C9orf152: variants seen among roughly 807,000 people sequenced by gnomAD.
C9orf152 encodes the protein chromosome 9 open reading frame 152, also known as uncharacterized protein C9orf152.
Under a neutral mutation model 8.5 loss-of-function variants are expected in C9orf152, and 8 were observed. That is an observed-to-expected ratio of 0.94 (90% CI 0.55 to 1.70). C9orf152 has a LOEUF of 1.70. Among genes scored for constraint, C9orf152 ranks in the 40% most tolerant of loss-of-function variants. The pLI is 0.00. For missense variants in C9orf152, 293 were observed against 286.2 expected (o/e 1.02, Z -0.17); for synonymous variants, 109 against 113.0 (o/e 0.96, Z 0.22).
At chr9:110,201,549 T>G in intron 1 of C9orf152, 75 bp from the exon 2 acceptor site, 1 of 1,282,142 alleles carries the variant, frequency 7.8e-7, no homozygotes, top group Non-Finnish European at 1.0e-6. Context: ...GTCTCATTGC[T>G]TTCAAGCTGA....
rs981893171 is a variant in C9orf152 at position 110,201,035 on chromosome 9, G to C, written c.633C>G (p.Gly211=). ...PLSIKNPHRS[G]KPAYYPFPQR... is the part of the protein sequence containing the mutation. ...GGGGAAATGGATAGTAAGCTGGTTT[G>C]CCAGACCTGTGTGGGTTCTTTATGG... Residue 211 remains glycine (G), a synonymous_variant, in exon 2 of 2, where the codon GGC becomes GGG. Coordinates refer to ENST00000400613, the MANE Select transcript of C9orf152 (RefSeq NM_001012993.3). 2 of 1,614,102 alleles carry C rather than the reference G, an allele frequency of 1.2e-6. No homozygotes were observed. Among genetic ancestry groups the C allele is most frequent in the African/African-American group, 2.7e-5 (2 of 74,932 alleles).
intron 1 of C9orf152, 37 bp downstream of exon 1, chr9:110,207,350 G>A (rs779406744): frequency 1.9e-6 from 3 of 1,594,374 alleles, no homozygotes; most frequent in Non-Finnish European, 2.6e-6. Context: ...GTCTCCCATG[G>A]TAAGTCTCTC....
chr9:110,202,764 CA>C (rs1251785006), intron 1 of C9orf152, among the ~76,000 whole-genome samples: 1 of 152,080 alleles, frequency 6.6e-6, no homozygotes, highest in African/African-American at 2.4e-5. Context: ...CACCTGTTAT[CA>C]CAGGAGGCCC....
rs750200274 is a variant in C9orf152 at position 110,201,508 on chromosome 9, G to A, written c.194-34C>T. 7 of 1,494,220 alleles carry A rather than the reference G, an allele frequency of 4.7e-6. No individual in the cohort carries two copies. The Admixed American group carries it at 1.6e-4, about 35-fold the overall frequency. The allele number at this position is 1,494,220 out of a possible 1,614,324, so 92.6% of individuals were successfully genotyped here. The stretch of plus-strand genomic sequence containing the variant: ...AGAATGCACCAGCAGGGTCATCACT[G>A]GAAGGGACAGGGGCGGCTCTCACTT... On this transcript the variant is annotated intron_variant, in intron 1 of 1. Coordinates refer to ENST00000400613, the MANE Select transcript of C9orf152 (RefSeq NM_001012993.3).
chr9:110,207,755 G>A lies in C9orf152; in HGVS notation c.-176C>T, dbSNP rs2118508287. The stretch of plus-strand genomic sequence containing the variant: ...GGGGAAGGAGAAAGATGAAGGGGAA[G>A]AGGAGGTAGGGATAGGGAGAAATGT... On this transcript the variant is annotated 5_prime_UTR_variant, in exon 1 of 2. Transcript: ENST00000400613. The A allele has an allele frequency of 1.9e-6, 1 of 533,862 alleles. No homozygotes were observed. Among genetic ancestry groups the A allele is most frequent in the East Asian group, 3.4e-5 (1 of 29,272 alleles). 33.1% of individuals were successfully genotyped at this position (533,862 alleles called of 1,614,324 possible).
intron 1 of C9orf152, among the ~76,000 whole-genome samples, chr9:110,204,325 A>G (rs922642602): frequency 1.3e-5 from 2 of 152,214 alleles, no homozygotes; most frequent in Non-Finnish European, 2.9e-5. Context: ...GCATTTCCAG[A>G]AGCTGGATCC....
chr9:110,205,469 C>T (rs185367173), intron 1 of C9orf152, among the ~76,000 whole-genome samples: 2 of 152,238 alleles, frequency 1.3e-5, no homozygotes, highest in East Asian at 3.9e-4. Flanking sequence ...TTCAAGTGGC[C>T]TTCCTACTTA....
At position 110,207,748 on chromosome 9, in the gene C9orf152, A is replaced by T. The variant is rs1479682611; in HGVS notation, c.-169T>A. 4 of 529,028 alleles carry T rather than the reference A, an allele frequency of 7.6e-6. No homozygotes were observed. The highest frequency in any genetic ancestry group is 4.1e-5 in the African/African-American group (2 of 49,370). 32.8% of individuals were successfully genotyped at this position (529,028 alleles called of 1,614,324 possible). On this transcript the variant is annotated 5_prime_UTR_variant, in exon 1 of 2. Coordinates refer to ENST00000400613, the MANE Select transcript of C9orf152 (RefSeq NM_001012993.3). ...AAATAAGGGGGAAGGAGAAAGATGA[A>T]GGGGAAGAGGAGGTAGGGATAGGGA...
At position 110,199,933 on chromosome 9, in the gene C9orf152, T is replaced by C. The variant is rs1837191496; in HGVS notation, c.*1015A>G. The C allele has an allele frequency of 6.6e-6, 1 of 152,190 alleles. No individual in the cohort carries two copies. Among genetic ancestry groups the C allele is most frequent in the Non-Finnish European group, 1.5e-5 (1 of 68,036 alleles). 9.4% of individuals were successfully genotyped at this position (152,190 alleles called of 1,614,324 possible). Reference sequence around the variant, plus strand: ...CTTCGCTTTGTCTTAGGTTTAAAAATATATTTGATCCCAGGAAGGATCTGA... The same window carrying C: ...CTTCGCTTTGTCTTAGGTTTAAAAACATATTTGATCCCAGGAAGGATCTGA... On this transcript the variant is annotated 3_prime_UTR_variant, in exon 2 of 2. Transcript: ENST00000400613.
rs778391375 is a variant in C9orf152, at chr9:110,199,579, CT to C, written c.*1368del. The C allele has an allele frequency of 1.3e-5, 2 of 152,074 alleles. No homozygotes were observed. The highest frequency in any genetic ancestry group is 6.5e-5 in the Admixed American group (1 of 15,268). 9.4% of individuals were successfully genotyped at this position (152,074 alleles called of 1,614,324 possible). On this transcript the variant is annotated 3_prime_UTR_variant, in exon 2 of 2. Coordinates refer to ENST00000400613, the MANE Select transcript of C9orf152 (RefSeq NM_001012993.3). ...GGACAAATTTTTTTGAGAAAATTTC[CT>C]TTTTTATTAGAATATTTAAAAAACA...
At chr9:110,202,378 C>T (rs114742358) in intron 1 of C9orf152, among the ~76,000 whole-genome samples, 3,649 of 152,284 alleles carry the variant, frequency 0.024, 141 homozygotes, top group African/African-American at 0.081. Flanking sequence ...CCACTGCGCT[C>T]GGCTGTGTCC....
At position 110,201,028 on chromosome 9, in the gene C9orf152, C is replaced by A; in HGVS notation, c.640G>T (p.Ala214Ser). ...IKNPHRSGKPAYYPFPQRKTP... is the reference protein window; with the variant it reads ...IKNPHRSGKPSYYPFPQRKTP... ...TTCCTCTGGGGAAATGGATAGTAAG[C>A]TGGTTTGCCAGACCTGTGTGGGTTC... The change falls in exon 2 of 2, where the codon GCT becomes TCT. Residue 214 changes from alanine to serine, a missense_variant. Transcript: ENST00000400613. The A allele has an allele frequency of 6.2e-7, 1 of 1,614,222 alleles. No individual in the cohort carries two copies. The highest frequency in any genetic ancestry group is 8.5e-7 in the Non-Finnish European group (1 of 1,180,046).
chr9:110,200,436 C>A lies in C9orf152; in HGVS notation c.*512G>T, dbSNP rs1386054316. ...TGATCACTGCCAATGAGTGTTGTGA[C>A]TTCTAAGTGAGATGGCCCCCCAGAC... On this transcript the variant is annotated 3_prime_UTR_variant, in exon 2 of 2. Transcript: ENST00000400613. The A allele has an allele frequency of 6.5e-6, 1 of 153,536 alleles. No homozygotes were observed. The highest frequency in any genetic ancestry group is 2.4e-5 in the African/African-American group (1 of 41,446). The allele number at this position is 153,536 out of a possible 1,614,324, so 9.5% of individuals were successfully genotyped here.
At chr9:110,206,651 C>A (rs749728351) in intron 1 of C9orf152, among the ~76,000 whole-genome samples, 2 of 152,236 alleles carry the variant, frequency 1.3e-5, no homozygotes, top group Non-Finnish European at 2.9e-5. Context: ...CCTGCCCAGT[C>A]TGGCCTGGCA....
intron 1 of C9orf152, among the ~76,000 whole-genome samples, chr9:110,202,460 A>G (rs1322104856): frequency 6.6e-6 from 1 of 152,212 alleles, no homozygotes; most frequent in Non-Finnish European, 1.5e-5. Context: ...AGCTCCCTTT[A>G]GAGAACCAAT....
At position 110,206,296 on chromosome 9, in the gene C9orf152, A is replaced by T. The variant is rs191418445; in HGVS notation, c.193+1091T>A. 2.6e-5 allele frequency among the ~76,000 whole-genome samples: 4 copies of T among 151,152 alleles called. No homozygotes were observed. The East Asian group carries it at 7.7e-4, about 29-fold the overall frequency. ...CATGTTGAATTTGAGATGTCTTTGG[A>T]TCATCCCCACTAAGCAATTAGATTT... On this transcript the variant is annotated intron_variant, in intron 1 of 1. Coordinates refer to ENST00000400613, the MANE Select transcript of C9orf152 (RefSeq NM_001012993.3).
chr9:110,203,451 A>G (rs1053214258), intron 1 of C9orf152, among the ~76,000 whole-genome samples: 1 of 152,216 alleles, frequency 6.6e-6, no homozygotes, highest in Non-Finnish European at 1.5e-5. Context: ...CTGAAGGTGG[A>G]CAGGCCTGTT....
At position 110,207,588 on chromosome 9, in the gene C9orf152, G is replaced by A. The variant is rs755858264; in HGVS notation, c.-9C>T. 45 of 1,571,534 alleles carry A rather than the reference G, an allele frequency of 2.9e-5. No individual in the cohort carries two copies. The highest frequency in any genetic ancestry group is 3.5e-5 in the South Asian group (3 of 85,020). ...CAGGGCAACCCCTCCATCCGGATCC[G>A]GGAGAAAAGCAAACACAGCTGGGTG... is the stretch of plus-strand genomic sequence containing the variant. On this transcript the variant is annotated 5_prime_UTR_variant, in exon 1 of 2. Transcript: ENST00000400613.
chr9:110,207,544 G>T lies in C9orf152; in HGVS notation c.36C>A (p.Pro12=). 6.2e-7 allele frequency: 1 copy of T among 1,602,692 alleles called. No homozygotes were observed. The highest frequency in any genetic ancestry group is 1.1e-5 in the South Asian group (1 of 89,132). ...AGTGAGACCTAAGCTGCCAGAAGTG[G>T]GGCAGGGCTGGGCACGGGCAGGGCA... is the stretch of plus-strand genomic sequence containing the variant. ...EGLPCPCPAL[P]HFWQLRSHLM... The change falls in exon 1 of 2, where the codon CCC becomes CCA. Residue 12 remains proline, a synonymous_variant. Coordinates refer to ENST00000400613, the MANE Select transcript of C9orf152 (RefSeq NM_001012993.3).
Sources: gnomAD v4.1 joint callset for allele counts (sites outside exome capture counted in the v4.1 genomes callset) on GRCh38, gnomAD v4.1.1 for gene constraint, MANE v1.5 for transcripts, NCBI Gene and HGNC (gene_info 2026-07-23, HGNC 2026-07-21) for gene names.